Variants in LUZP2 observed in about 807,000 individuals in gnomAD.
LUZP2 encodes leucine zipper protein 2.
A neutral mutation model predicts 51.6 loss-of-function variants in LUZP2; 52 were observed. The ratio of observed to expected loss-of-function variants is 1.01; its 90% CI spans 0.81 to 1.27. LUZP2 has a LOEUF of 1.27. Ranked by LOEUF, LUZP2 falls within the 50% of genes most tolerant of loss-of-function variation. The probability of loss-of-function intolerance (pLI) is 0.00; values close to 1 mark genes in which losing one functional copy is unlikely to be tolerated. For missense variants in LUZP2, 436 were observed against 395.4 expected, an observed-to-expected ratio of 1.10 and a Z score of -0.87; for synonymous variants, 154 against 137.3, an observed-to-expected ratio of 1.12 and a Z score of -0.85.
intron 8 of LUZP2, among the ~76,000 whole-genome samples, chr11:24,981,756 C>T (rs576000444): frequency 3.3e-5 from 5 of 151,886 alleles, no homozygotes; most frequent in African/African-American, 4.8e-5. Context: ...GCTATGGCAA[C>T]GATTCTAAAT....
At chr11:24,926,579 A>ATATATATGTGTGTGTATATATATACGTG (rs1565120506) in intron 7 of LUZP2, among the ~76,000 whole-genome samples, 3 of 147,218 alleles carry the variant, frequency 2.0e-5, no homozygotes, top group African/African-American at 7.5e-5. Context: ...ATATACGTGT[A>ATATATATGTGTGTGTATATATATACGTG]TATATATGTG....
intron 7 of LUZP2, among the ~76,000 whole-genome samples, chr11:24,927,460 C>A (rs1218842794): frequency 6.6e-6 from 1 of 151,914 alleles, no homozygotes; most frequent in East Asian, 1.9e-4. Context: ...TATCCAGTTT[C>A]ATTCTCCTAT....
chr11:24,879,047 AG>A (rs1392266557), intron 5 of LUZP2, among the ~76,000 whole-genome samples: 1 of 152,010 alleles, frequency 6.6e-6, no homozygotes, highest in East Asian at 1.9e-4. Context: ...GCTCACTGCA[AG>A]CTCCGGCTCC....
At chr11:24,584,313 G>GT (rs1223105428) in intron 1 of LUZP2, among the ~76,000 whole-genome samples, 1 of 152,122 alleles carries the variant, frequency 6.6e-6, no homozygotes, top group Non-Finnish European at 1.5e-5. Flanking sequence ...CAATCACTTA[G>GT]TAGCCTAAAT....
At chr11:24,713,787 C>T (rs994732871) in intron 1 of LUZP2, among the ~76,000 whole-genome samples, 3 of 136,928 alleles carry the variant, frequency 2.2e-5, no homozygotes, top group African/African-American at 8.1e-5. Flanking sequence ...CTCTTGGGTT[C>T]AAGGGATTCT....
chr11:24,967,224 G>A (rs567067779), intron 7 of LUZP2, among the ~76,000 whole-genome samples: 42 of 151,922 alleles, frequency 2.8e-4, no homozygotes, highest in African/African-American at 1.0e-3. Flanking sequence ...ATTTACCAAA[G>A]TAATCCTGTG....
intron 1 of LUZP2, among the ~76,000 whole-genome samples, chr11:24,633,660 T>C (rs1854966827): frequency 6.6e-6 from 1 of 151,920 alleles, no homozygotes. Flanking sequence ...TTATAAAAAG[T>C]TTTATAGAGA....
At chr11:24,804,829 G>C (rs754870210) in intron 5 of LUZP2, among the ~76,000 whole-genome samples, 2 of 151,884 alleles carry the variant, frequency 1.3e-5, no homozygotes, top group African/African-American at 2.4e-5. Flanking sequence ...CTTATGAGAA[G>C]AACCTTCTTT....
intron 6 of LUZP2, among the ~76,000 whole-genome samples, chr11:24,912,043 TAA>T (rs1254289686): frequency 2.0e-5 from 3 of 152,168 alleles, no homozygotes; most frequent in African/African-American, 7.2e-5. Flanking sequence ...TGTACAGAGT[TAA>T]GTGATACAGA....
chr11:24,583,886 T>A (rs1852963791), intron 1 of LUZP2, among the ~76,000 whole-genome samples: 2 of 151,386 alleles, frequency 1.3e-5, no homozygotes, highest in Admixed American at 6.6e-5. Context: ...TGTATTTTTT[T>A]TTTTTTTGGT....
rs546347986 is a variant in LUZP2, at chr11:24,604,070, T to A, written c.62+106765T>A. On this transcript the variant is annotated intron_variant, in intron 1 of 11. Coordinates refer to ENST00000336930, the MANE Select transcript of LUZP2 (RefSeq NM_001009909.4). ...TGTAATTTACAATGCAATAATTGAA[T>A]GTTAGTTTAGCTTTCCCTCCTTTAG... 2.0e-5 allele frequency among the ~76,000 whole-genome samples: 3 copies of A among 151,954 alleles called. No individual in the cohort carries two copies. In the East Asian group the frequency reaches 5.8e-4, roughly 29 times the overall value.
At chr11:24,966,508 G>A (rs558034408) in intron 7 of LUZP2, among the ~76,000 whole-genome samples, 4 of 150,334 alleles carry the variant, frequency 2.7e-5, no homozygotes, top group South Asian at 4.2e-4. Flanking sequence ...GAAGATTTAT[G>A]TTTGAGCTTT....
At chr11:25,023,304 T>C (rs1857393144) in intron 9 of LUZP2, among the ~76,000 whole-genome samples, 1 of 152,056 alleles carries the variant, frequency 6.6e-6, no homozygotes, top group Non-Finnish European at 1.5e-5. Context: ...CAATAATTAA[T>C]AGCCTCAATT....
chr11:25,005,138 G>A (rs557790649), intron 9 of LUZP2, among the ~76,000 whole-genome samples: 11 of 152,218 alleles, frequency 7.2e-5, no homozygotes, highest in African/African-American at 2.6e-4. Context: ...CAGCTTGAAG[G>A]GGGAACTGAT....
At chr11:24,566,594 G>GTATATA (rs199745442) in intron 1 of LUZP2, among the ~76,000 whole-genome samples, 13 of 130,704 alleles carry the variant, frequency 9.9e-5, no homozygotes, top group African/African-American at 4.0e-4. Context: ...ATGTATGTGT[G>GTATATA]TATATATATA....
intron 1 of LUZP2, among the ~76,000 whole-genome samples, chr11:24,520,404 C>A (rs192914364): frequency 6.1e-4 from 93 of 152,252 alleles, no homozygotes; most frequent in African/African-American, 2.1e-3. Flanking sequence ...TTTGAAGGAA[C>A]CCCTTCCACA....
chr11:24,869,597 C>A (rs569411620), intron 5 of LUZP2, among the ~76,000 whole-genome samples: 2 of 152,152 alleles, frequency 1.3e-5, no homozygotes, highest in South Asian at 4.2e-4. Context: ...GCTGGGATTA[C>A]AGGGTCCATT....
intron 5 of LUZP2, among the ~76,000 whole-genome samples, chr11:24,817,236 TAAC>T (rs991069545): frequency 2.0e-5 from 3 of 152,166 alleles, no homozygotes; most frequent in East Asian, 1.9e-4. Context: ...AAGTTATTAA[TAAC>T]AACAAGTATG....
intron 5 of LUZP2, among the ~76,000 whole-genome samples, chr11:24,792,714 C>T (rs1418918961): frequency 6.6e-6 from 1 of 152,094 alleles, no homozygotes; most frequent in East Asian, 1.9e-4. Context: ...AAACAAAAAT[C>T]TTCTTTTATG....
Sources: gnomAD v4.1 joint callset for allele counts (sites outside exome capture counted in the v4.1 genomes callset) on GRCh38, gnomAD v4.1.1 for gene constraint, MANE v1.5 for transcripts, NCBI Gene and HGNC (gene_info 2026-07-23, HGNC 2026-07-21) for gene names.